NEB: variants seen among roughly 807,000 people sequenced by gnomAD.
NEB encodes nemaline myopathy type 2.
NEB carries 512 observed loss-of-function variants against 952.2 expected under a neutral mutation model. That is an observed-to-expected ratio of 0.54 (90% confidence interval 0.50 to 0.58). The LOEUF (loss-of-function observed/expected upper bound fraction) is 0.58, where lower values mean the gene tolerates loss of function less well. Ranked by LOEUF, NEB falls within the 20% of genes least tolerant of loss-of-function variation. The pLI is 0.00. For missense variants in NEB, 8,428 were observed against 9,231.1 expected (o/e 0.91, Z 3.56); for synonymous variants, 2,900 against 3,149.8 (o/e 0.92, Z 2.66).
At chr2:151,647,582 G>C (rs2154126851) in intron 54 of NEB, among the ~76,000 whole-genome samples, 1 of 152,282 alleles carries the variant, frequency 6.6e-6, no homozygotes, top group South Asian at 2.1e-4. Flanking sequence ...TTGATATCCT[G>C]TGCCTCCTGA....
chr2:151,488,652 TAAAAA>T (rs60310785), intron 181 of NEB, among the ~76,000 whole-genome samples: 2 of 151,006 alleles, frequency 1.3e-5, no homozygotes, highest in African/African-American at 2.4e-5. Flanking sequence ...TCTCTAAAAA[TAAAAA>T]AAAAGTATTC....
rs1273067082 is a variant in NEB at position 151,639,711 on chromosome 2, AATAG to A, written c.8889+142_8889+145del. 7.4e-5 allele frequency: 50 copies of A among 672,118 alleles called. 2 individuals are homozygous for A. The Middle Eastern group carries it at 1.9e-3, about 25-fold the overall frequency. 41.6% of individuals were successfully genotyped at this position (672,118 alleles called of 1,614,324 possible). A position where few individuals can be genotyped will look rare whatever the true frequency, so the allele number is the denominator to read the frequency against. On this transcript the variant is annotated intron_variant, in intron 62 of 181. Transcript: ENST00000397345. ...ATATACATGATATATATCAGTTATT[AATAG>A]ATAGATGAGAAGCCAATAGATACAT...
At chr2:151,697,085 C>T in intron 16 of NEB, 63 bp downstream of exon 16, 1 of 1,250,090 alleles carries the variant, frequency 8.0e-7, no homozygotes, top group Non-Finnish European at 1.1e-6. Flanking sequence ...ACATTTTAAA[C>T]ATATCCTGAC....
chr2:151,641,438 C>A (rs186981408), intron 60 of NEB, among the ~76,000 whole-genome samples: 2 of 152,246 alleles, frequency 1.3e-5, no homozygotes. Context: ...CTGAAGTGAT[C>A]CTCCCACCTC....
intron 157 of NEB, 56 bp downstream of exon 157, chr2:151,516,403 C>G: frequency 8.1e-7 from 1 of 1,239,902 alleles, no homozygotes; most frequent in Non-Finnish European, 1.2e-6. Flanking sequence ...ATGGGCAGAG[C>G]TTGTGTTCAG....
At chr2:151,621,090 G>A (rs2098406700) in intron 71 of NEB, 64 bp from the exon 72 acceptor site, 1 of 1,335,970 alleles carries the variant, frequency 7.5e-7, no homozygotes, top group Non-Finnish European at 1.0e-6. Context: ...TATATTTTCT[G>A]CCAAAGGAAG....
At chr2:151,496,439 A>G in intron 172 of NEB, 71 bp from the exon 173 acceptor site, 2 of 1,515,368 alleles carry the variant, frequency 1.3e-6, no homozygotes, top group South Asian at 2.5e-5. Flanking sequence ...TTTTAAGGGT[A>G]AGGTCAACTT....
At chr2:151,601,242 G>A (rs1370555632) in intron 88 of NEB, among the ~76,000 whole-genome samples, 5 of 89,606 alleles carry the variant, frequency 5.6e-5, no homozygotes, top group African/African-American at 1.5e-4. Context: ...CCCAGTAGCT[G>A]GGATTACAGG....
intron 153 of NEB, among the ~76,000 whole-genome samples, chr2:151,524,071 A>T (rs1376815906): frequency 6.6e-6 from 1 of 152,192 alleles, no homozygotes; most frequent in African/African-American, 2.4e-5. Flanking sequence ...AAAGATAGTT[A>T]AGCACACAGA....
At position 151,669,308 on chromosome 2, in the gene NEB, G is replaced by A. The variant is rs539695831; in HGVS notation, c.4507-177C>T. The stretch of plus-strand genomic sequence containing the variant: ...ATGCATTTATGTTCCCATTCTACCA[G>A]TATTTATTGGACAGCACTGTGGGCC... On this transcript the variant is annotated intron_variant, in intron 38 of 181. Transcript: ENST00000397345. 8.5e-5 allele frequency among the ~76,000 whole-genome samples: 13 copies of A among 152,268 alleles called. No individual in the cohort carries two copies. The South Asian group carries it at 1.9e-3, about 22-fold the overall frequency.
At position 151,679,915 on chromosome 2, in the gene NEB, C is replaced by T. The variant is rs759896137; in HGVS notation, c.3147+3G>A. On this transcript the variant is annotated splice_donor_region_variant and intron_variant, in intron 31 of 181. Coordinates refer to ENST00000397345, the MANE Select transcript of NEB (RefSeq NM_001164508.2). ...GCATCAGCCCGTGAGTCCACCCACG[C>T]ACCTCACTGATATTGTAGGCATTAA... The T allele has an allele frequency of 1.8e-5, 29 of 1,611,378 alleles. No homozygotes were observed. The highest frequency in any genetic ancestry group is 2.5e-5 in the Non-Finnish European group (29 of 1,177,580).
chr2:151,554,274 G>A (rs2095502502), intron 125 of NEB, among the ~76,000 whole-genome samples: 1 of 152,124 alleles, frequency 6.6e-6, no homozygotes, highest in African/African-American at 2.4e-5. Flanking sequence ...AATAGAAAAT[G>A]TTCAGGCTGG....
In NEB at chr2:151,546,371, G is replaced by C; in HGVS notation, c.20440C>G (p.Arg6814Gly). ...CFLYDTPDMVRSRHLRKLWSN... is the reference protein window; with the variant it reads ...CFLYDTPDMVGSRHLRKLWSN... Reference sequence around the variant, plus strand: ...CAGAGCTTCCGCAGGTGCCGGGAGCGGACCATGTCAGGAGTGTCATACAGG... The same window carrying C: ...CAGAGCTTCCGCAGGTGCCGGGAGCCGACCATGTCAGGAGTGTCATACAGG... The change falls in exon 134 of 182, where the codon CGC (arginine) becomes GGC (glycine). Residue 6814 changes from arginine to glycine, a missense_variant. Arg to Gly is a moderately radical substitution (Grantham distance 125, BLOSUM62 -2). Around this residue, in one of 11 missense-constraint regions of NEB, gnomAD observed 3,374 missense variants for 3,651.5 expected, o/e 0.92. Coordinates refer to ENST00000397345, the MANE Select transcript of NEB (RefSeq NM_001164508.2). 2 of 1,612,972 alleles carry C rather than the reference G, an allele frequency of 1.2e-6. No individual in the cohort carries two copies. Among genetic ancestry groups the C allele is most frequent in the South Asian group, 2.2e-5 (2 of 90,906 alleles).
chr2:151,730,747 T>C (rs528373903), intron 3 of NEB, among the ~76,000 whole-genome samples: 1 of 152,254 alleles, frequency 6.6e-6, no homozygotes, highest in African/African-American at 2.4e-5. Flanking sequence ...TGGCCTGCAT[T>C]CTTTTCAGTG....
intron 27 of NEB, among the ~76,000 whole-genome samples, chr2:151,685,762 A>G (rs2099492656): frequency 6.6e-6 from 1 of 152,220 alleles, no homozygotes; most frequent in African/African-American, 2.4e-5. Context: ...CTCACCAATT[A>G]CTTTGACAGA....
chr2:151,640,193 T>A, intron 61 of NEB, 133 bp from the exon 62 acceptor site: 1 of 1,457,500 alleles, frequency 6.9e-7, no homozygotes, highest in Non-Finnish European at 9.4e-7. Flanking sequence ...ACAATATTCC[T>A]CTTTGGTCTG....
chr2:151,665,050 A>G (rs2099196513), intron 42 of NEB, among the ~76,000 whole-genome samples, 187 bp from the exon 43 acceptor site: 1 of 152,170 alleles, frequency 6.6e-6, no homozygotes, highest in Non-Finnish European at 1.5e-5. Flanking sequence ...GAATACGGCA[A>G]CCCTCTACCA....
rs1357403779 is a variant in NEB, at chr2:151,562,569, T to C, written c.18891+42A>G. On this transcript the variant is annotated intron_variant, in intron 120 of 181. Coordinates refer to ENST00000397345, the MANE Select transcript of NEB (RefSeq NM_001164508.2). ...TTGGGGGGTAGCCAAGACACAGTCA[T>C]GGAAGCTGTAGCTGAGTCAAGCTGC... The C allele has an allele frequency of 2.0e-6, 3 of 1,507,422 alleles. No individual in the cohort carries two copies. In the Admixed American group the frequency reaches 5.9e-5, roughly 29 times the overall value. 93.4% of individuals were successfully genotyped at this position (1,507,422 alleles called of 1,614,324 possible).
At chr2:151,733,006 CT>C in intron 3 of NEB, 114 bp downstream of exon 3, 4 of 861,228 alleles carry the variant, frequency 4.6e-6, no homozygotes, top group Non-Finnish European at 7.1e-6. Flanking sequence ...TAAATGATGA[CT>C]CTTTGTGAAG....
Sources: allele counts gnomAD v4.1 joint callset (sites outside exome capture counted in the v4.1 genomes callset), GRCh38; gene constraint gnomAD v4.1.1; regional missense constraint gnomAD v4.1.1; transcripts MANE v1.5; gene names NCBI Gene and HGNC (gene_info 2026-07-23, HGNC 2026-07-21).